The following AGO2 variants were observed in gnomAD, a reference collection of about 807,000 sequenced individuals.
AGO2 encodes the protein protein argonaute-2.
In AGO2, 5 loss-of-function variants were observed where a neutral mutation model predicts 102.3. The observed-to-expected ratio is 0.05, with a 90% CI of 0.03 to 0.10. The LOEUF is 0.10. Ranked by LOEUF, AGO2 falls within the 10% of genes least tolerant of loss-of-function variation. The pLI is 1.00. For missense variants in AGO2, 541 were observed against 1,183.7 expected (o/e 0.46, Z 7.97); for synonymous variants, 449 against 473.1 (o/e 0.95, Z 0.66).
intron 3 of AGO2, among the ~76,000 whole-genome samples, chr8:140,564,708 T>TTA (rs1417750364): frequency 6.6e-6 from 1 of 151,934 alleles, no homozygotes; most frequent in African/African-American, 2.4e-5. Flanking sequence ...TTTGGGAGGC[T>TTA]GAGGCAGATG....
chr8:140,574,540 C>T (rs1305545990), intron 2 of AGO2, among the ~76,000 whole-genome samples: 3 of 152,260 alleles, frequency 2.0e-5, no homozygotes, highest in Non-Finnish European at 2.9e-5. Context: ...CTGGGAGTAC[C>T]GGCATGAGTC....
chr8:140,603,315 C>T (rs1458179976), intron 1 of AGO2, among the ~76,000 whole-genome samples: 1 of 152,212 alleles, frequency 6.6e-6, no homozygotes, highest in Non-Finnish European at 1.5e-5. Flanking sequence ...GTTTGCGGAG[C>T]TGGGATGATA....
chr8:140,595,881 A>AAT, intron 1 of AGO2, among the ~76,000 whole-genome samples: 2 of 118,952 alleles, frequency 1.7e-5, no homozygotes, highest in African/African-American at 6.7e-5. Context: ...ATATTATATA[A>AAT]TATATAATTA....
At chr8:140,578,323 T>C (rs963752845) in intron 2 of AGO2, among the ~76,000 whole-genome samples, 4 of 152,246 alleles carry the variant, frequency 2.6e-5, no homozygotes, top group Non-Finnish European at 5.9e-5. Flanking sequence ...AAATTGACCA[T>C]TTCAACTAAG....
At chr8:140,612,019 C>T (rs1203307374) in intron 1 of AGO2, among the ~76,000 whole-genome samples, 1 of 151,280 alleles carries the variant, frequency 6.6e-6, no homozygotes, top group Non-Finnish European at 1.5e-5. Context: ...GTCAGGAGAT[C>T]GAGACCATCC....
At chr8:140,548,513 C>G (rs1013308053) in intron 12 of AGO2, among the ~76,000 whole-genome samples, 2 of 152,110 alleles carry the variant, frequency 1.3e-5, no homozygotes, top group African/African-American at 2.4e-5. Flanking sequence ...AGCAACTGGT[C>G]AGCTGCTCCC....
At chr8:140,560,772 C>T (rs149142660) in intron 4 of AGO2, among the ~76,000 whole-genome samples, 1 of 152,358 alleles carries the variant, frequency 6.6e-6, no homozygotes, top group East Asian at 1.9e-4. Context: ...ACAGGTGGAT[C>T]ACAAGCCCCC....
At chr8:140,565,804 G>A (rs2073275244) in intron 3 of AGO2, among the ~76,000 whole-genome samples, 2 of 152,138 alleles carry the variant, frequency 1.3e-5, no homozygotes, top group South Asian at 2.1e-4. Context: ...ACATAGCTAG[G>A]TGCAGTGGTT....
At chr8:140,549,968 C>G (rs527751718) in intron 11 of AGO2, among the ~76,000 whole-genome samples, 6 of 152,196 alleles carry the variant, frequency 3.9e-5, no homozygotes, top group Non-Finnish European at 8.8e-5. Flanking sequence ...TCCAACCCAG[C>G]CAGTGTCCAA....
intron 1 of AGO2, among the ~76,000 whole-genome samples, chr8:140,631,429 G>A (rs1170799815): frequency 6.6e-6 from 1 of 151,942 alleles, no homozygotes; most frequent in East Asian, 1.9e-4. Context: ...AGCTCCTCAG[G>A]AGGCTGAGGC....
At chr8:140,605,096 G>GT (rs919948604) in intron 1 of AGO2, among the ~76,000 whole-genome samples, 3 of 152,002 alleles carry the variant, frequency 2.0e-5, no homozygotes, top group Admixed American at 1.3e-4. Flanking sequence ...AAAAATACAA[G>GT]TTTTTTTTCT....
At chr8:140,577,313 A>G (rs1283236119) in intron 2 of AGO2, among the ~76,000 whole-genome samples, 1 of 151,528 alleles carries the variant, frequency 6.6e-6, no homozygotes, top group Non-Finnish European at 1.5e-5. Context: ...ACCCTTTGAC[A>G]GGCAAAAACA....
intron 2 of AGO2, among the ~76,000 whole-genome samples, chr8:140,584,037 A>G (rs565285961): frequency 8.5e-4 from 128 of 151,150 alleles, no homozygotes; most frequent in African/African-American, 3.1e-3. Flanking sequence ...TCTCTATCCT[A>G]TTGGTTCTGT....
intron 1 of AGO2, among the ~76,000 whole-genome samples, chr8:140,629,667 C>CACAAA (rs2074317669): frequency 6.6e-6 from 1 of 151,662 alleles, no homozygotes; most frequent in Non-Finnish European, 1.5e-5. Context: ...CAGGGAAACC[C>CACAAA]CGTCTCTCCA....
At chr8:140,560,869 G>A (rs2073187486) in intron 4 of AGO2, among the ~76,000 whole-genome samples, 2 of 152,202 alleles carry the variant, frequency 1.3e-5, no homozygotes, top group Admixed American at 6.5e-5. Context: ...ACCTCTTGGG[G>A]CCTGTGTCCC....
chr8:140,597,805 T>C (rs1182258504), intron 1 of AGO2, among the ~76,000 whole-genome samples: 1 of 152,222 alleles, frequency 6.6e-6, no homozygotes, highest in Non-Finnish European at 1.5e-5. Flanking sequence ...AAATGTCTAT[T>C]TTTATCAGCG....
Position 140,567,999 on chromosome 8 carries a change from C to A in AGO2, c.336+4813G>T, listed in dbSNP as rs2073315792. 6.6e-6 allele frequency among the ~76,000 whole-genome samples: 1 copy of A among 151,226 alleles called. No homozygotes were observed. Among genetic ancestry groups the A allele is most frequent in the African/African-American group, 2.4e-5 (1 of 41,052 alleles). ...TAGTGGCGGGGCACAGTGGCTCACA[C>A]CTGTAATCTCAGCACTTTGGGAGGC... On this transcript the variant is annotated intron_variant, in intron 3 of 18. Transcript: ENST00000220592. This position sits in a 1 kb window ranked among gnomAD's most constrained non-coding sequence, Gnocchi z 5.0.
At chr8:140,580,228 C>T (rs542325954) in intron 2 of AGO2, among the ~76,000 whole-genome samples, 4 of 152,374 alleles carry the variant, frequency 2.6e-5, no homozygotes, top group South Asian at 4.1e-4. Flanking sequence ...CCGGCAGCCC[C>T]GGGAAAGGGG....
chr8:140,604,707 G>A (rs1051903129), intron 1 of AGO2, among the ~76,000 whole-genome samples: 2 of 151,692 alleles, frequency 1.3e-5, no homozygotes, highest in Non-Finnish European at 2.9e-5. Context: ...GGTGCCTGTA[G>A]TCCCAGCTAC....
Sources: allele counts gnomAD v4.1 joint callset (sites outside exome capture counted in the v4.1 genomes callset), GRCh38; gene constraint gnomAD v4.1.1; non-coding constraint Gnocchi (gnomAD v3.1); transcripts MANE v1.5; gene names NCBI Gene and HGNC (gene_info 2026-07-23, HGNC 2026-07-21).